The following HCN1 variants were observed in gnomAD, a reference collection of about 807,000 sequenced individuals.
The protein encoded by HCN1 is hyperpolarization activated cyclic nucleotide gated potassium channel 1, also known as potassium/sodium hyperpolarization-activated cyclic nucleotide-gated channel 1.
HCN1 carries 13 observed loss-of-function variants against 78.9 expected under a neutral mutation model. The ratio of observed to expected loss-of-function variants is 0.16; its 90% CI spans 0.11 to 0.26. The LOEUF is 0.26. Among genes scored for constraint, HCN1 ranks in the 10% least tolerant of loss-of-function variants. The probability of loss-of-function intolerance (pLI) is 1.00; values close to 1 mark genes in which losing one functional copy is unlikely to be tolerated. For synonymous variants in HCN1, 552 were observed against 455.5 expected (o/e 1.21, Z -2.70); for missense variants, 810 against 1,154.3 (o/e 0.70, Z 4.32).
At chr5:45,348,628 T>C (rs554277508) in intron 5 of HCN1, among the ~76,000 whole-genome samples, 31 of 152,186 alleles carry the variant, frequency 2.0e-4, no homozygotes, top group African/African-American at 2.9e-4. Context: ...ACCCATCTCA[T>C]GTGCAGAGAC....
chr5:45,481,286 T>C (rs1440050683), intron 2 of HCN1, among the ~76,000 whole-genome samples: 1 of 152,230 alleles, frequency 6.6e-6, no homozygotes, highest in Non-Finnish European at 1.5e-5. Context: ...TATACCACGT[T>C]TTCTTCCTGT....
rs530210399 is a variant in HCN1, at chr5:45,366,255, G to A, written c.1231-13009C>T. On this transcript the variant is annotated intron_variant, in intron 4 of 7. Transcript: ENST00000303230. ...TGTGGTAATTCTTCAATAAAAAAAG[G>A]AAATTTAATTATGTTTAACTTCCAT... 9.3e-5 allele frequency among the ~76,000 whole-genome samples: 14 copies of A among 151,294 alleles called. No individual in the cohort carries two copies. The South Asian group carries it at 1.9e-3, about 20-fold the overall frequency.
chr5:45,304,664 G>C (rs1302672149), intron 5 of HCN1, among the ~76,000 whole-genome samples: 3 of 152,068 alleles, frequency 2.0e-5, no homozygotes, highest in Non-Finnish European at 4.4e-5. Flanking sequence ...AACACAGTGA[G>C]ACTCTGTCTC....
intron 2 of HCN1, among the ~76,000 whole-genome samples, chr5:45,518,474 T>C (rs1343040768): frequency 1.3e-5 from 2 of 151,976 alleles, no homozygotes; most frequent in African/African-American, 4.8e-5. Context: ...GGCACAGGGA[T>C]GACTGGGGGT....
chr5:45,660,448 T>A (rs937764582), intron 1 of HCN1, among the ~76,000 whole-genome samples: 30 of 133,578 alleles, frequency 2.2e-4, no homozygotes, highest in African/African-American at 9.1e-4. Flanking sequence ...AATTCACACA[T>A]AACAATATTA....
rs757097140 is a variant in HCN1 at position 45,551,136 on chromosome 5, C to T, written c.850-89129G>A. 4.6e-5 allele frequency among the ~76,000 whole-genome samples: 7 copies of T among 152,022 alleles called. No individual in the cohort carries two copies. The East Asian group carries it at 9.7e-4, about 21-fold the overall frequency. The stretch of plus-strand genomic sequence containing the variant: ...AATAATCCATTATATCTATCTACTT[C>T]GCTGGCCTAAATTTTGGGAAGTCAC... On this transcript the variant is annotated intron_variant, in intron 2 of 7. Coordinates refer to ENST00000303230, the MANE Select transcript of HCN1 (RefSeq NM_021072.4).
intron 2 of HCN1, among the ~76,000 whole-genome samples, chr5:45,562,568 A>G (rs2111883644): frequency 6.6e-6 from 1 of 150,712 alleles, no homozygotes; most frequent in South Asian, 2.1e-4. Flanking sequence ...AGGCACACAC[A>G]GAAAGACACA....
intron 2 of HCN1, among the ~76,000 whole-genome samples, chr5:45,583,595 C>G (rs1270550332): frequency 2.0e-5 from 3 of 152,154 alleles, no homozygotes; most frequent in Admixed American, 1.3e-4. Flanking sequence ...TCTTGCTTCT[C>G]TAGTTCTTTT....
At chr5:45,618,425 A>G (rs1442381975) in intron 2 of HCN1, among the ~76,000 whole-genome samples, 2 of 152,140 alleles carry the variant, frequency 1.3e-5, no homozygotes, top group South Asian at 4.1e-4. Flanking sequence ...GCTTTGTATG[A>G]TATTTTAAGG....
At chr5:45,593,206 GCACGCGCA>G (rs1323619028) in intron 2 of HCN1, among the ~76,000 whole-genome samples, 1 of 102,424 alleles carries the variant, frequency 9.8e-6, no homozygotes, top group Non-Finnish European at 2.3e-5. Context: ...GCGCATGCAC[GCACGCGCA>G]CACACACACA....
At position 45,549,050 on chromosome 5, in the gene HCN1, TC is replaced by T. The variant is rs1246227910; in HGVS notation, c.850-87044del. On this transcript the variant is annotated intron_variant, in intron 2 of 7. Coordinates refer to ENST00000303230, the MANE Select transcript of HCN1 (RefSeq NM_021072.4). ...TGCTCATGGGTAGGAAGAATCAATATCATGAAAATGGCCATACTGCCCAAGG... is the reference window on the plus strand; with the variant it reads ...TGCTCATGGGTAGGAAGAATCAATATATGAAAATGGCCATACTGCCCAAGG... 1.9e-4 allele frequency among the ~76,000 whole-genome samples: 28 copies of T among 151,324 alleles called. No homozygotes were observed. The South Asian group carries it at 5.1e-3, about 27-fold the overall frequency.
chr5:45,397,460 T>C lies in HCN1; in HGVS notation c.1012-750A>G, dbSNP rs966246327. 2.0e-5 allele frequency among the ~76,000 whole-genome samples: 3 copies of C among 152,122 alleles called. No individual in the cohort carries two copies. In the East Asian group the frequency reaches 5.8e-4, roughly 29 times the overall value. On this transcript the variant is annotated intron_variant, in intron 3 of 7. Coordinates refer to ENST00000303230, the MANE Select transcript of HCN1 (RefSeq NM_021072.4). ...AACTTCTGATGTCATTTAAAAAAAATTGCAAGCTCAATTTTTTAAAAATGC... is the reference window on the plus strand; with the variant it reads ...AACTTCTGATGTCATTTAAAAAAAACTGCAAGCTCAATTTTTTAAAAATGC...
At chr5:45,401,717 G>T (rs1318088158) in intron 3 of HCN1, among the ~76,000 whole-genome samples, 1 of 146,362 alleles carries the variant, frequency 6.8e-6, no homozygotes, top group African/African-American at 2.5e-5. Context: ...TTAATGGAAT[G>T]TCTTTTGTGC....
chr5:45,359,850 TAA>T (rs1260934700), intron 4 of HCN1, among the ~76,000 whole-genome samples: 1 of 151,888 alleles, frequency 6.6e-6, no homozygotes, highest in Non-Finnish European at 1.5e-5. Context: ...CTGACCACAT[TAA>T]GTTTTATTGG....
intron 2 of HCN1, among the ~76,000 whole-genome samples, chr5:45,549,485 C>T (rs1046581300): frequency 6.6e-6 from 1 of 152,100 alleles, no homozygotes; most frequent in African/African-American, 2.4e-5. Context: ...ACACCTTATA[C>T]AAAAATTAAT....
chr5:45,291,229 C>T (rs1745366361), intron 6 of HCN1, among the ~76,000 whole-genome samples: 2 of 151,974 alleles, frequency 1.3e-5, no homozygotes, highest in Non-Finnish European at 2.9e-5. Context: ...TCATATGGAC[C>T]TGTAGTTCAT....
At chr5:45,272,932 A>G (rs901548474) in intron 6 of HCN1, among the ~76,000 whole-genome samples, 2 of 152,092 alleles carry the variant, frequency 1.3e-5, no homozygotes, top group East Asian at 1.9e-4. Flanking sequence ...TTGTCTTGGC[A>G]TACTTTCTAG....
At chr5:45,395,566 A>C (rs1402420884) in intron 4 of HCN1, among the ~76,000 whole-genome samples, 1 of 152,182 alleles carries the variant, frequency 6.6e-6, no homozygotes, top group Admixed American at 6.5e-5. Context: ...ATAAAGCAGT[A>C]ACTGAAAACT....
intron 1 of HCN1, among the ~76,000 whole-genome samples, chr5:45,670,788 T>TA (rs2112074921): frequency 6.6e-6 from 1 of 151,802 alleles, no homozygotes; most frequent in African/African-American, 2.4e-5. Flanking sequence ...GGCCAACACA[T>TA]AGACTAACAT....
Sources: gnomAD v4.1 joint callset for allele counts (sites outside exome capture counted in the v4.1 genomes callset) on GRCh38, gnomAD v4.1.1 for gene constraint, MANE v1.5 for transcripts, NCBI Gene and HGNC (gene_info 2026-07-23, HGNC 2026-07-21) for gene names.